STX1B: variants seen among roughly 807,000 people sequenced by gnomAD.
STX1B encodes the protein syntaxin 1B, also known as syntaxin-1B.
A neutral mutation model predicts 39.4 loss-of-function variants in STX1B; 7 were observed. The ratio of observed to expected loss-of-function variants is 0.18; its 90% CI spans 0.10 to 0.33. The LOEUF (loss-of-function observed/expected upper bound fraction) is 0.33. Ranked by LOEUF, STX1B falls within the 10% of genes least tolerant of loss-of-function variation. The pLI is 1.00. For missense variants in STX1B, 198 were observed against 383.2 expected (o/e 0.52, Z 4.04); for synonymous variants, 136 against 144.1 (o/e 0.94, Z 0.40).
intron 4 of STX1B, among the ~76,000 whole-genome samples, chr16:31,000,577 C>T (rs193007008): frequency 2.6e-5 from 4 of 151,944 alleles, no homozygotes; most frequent in African/African-American, 9.7e-5. Flanking sequence ...ACTGTAACCT[C>T]CACCTCCCGG....
At chr16:31,010,261 G>T in intron 1 of STX1B, 106 bp downstream of exon 1, 6 of 914,706 alleles carry the variant, frequency 6.6e-6, no homozygotes, top group Non-Finnish European at 9.1e-6. Context: ...ACCAACCTCC[G>T]ATCTCATCCT....
chr16:30,994,519 G>A (rs772885834), intron 7 of STX1B, among the ~76,000 whole-genome samples: 64 of 151,438 alleles, frequency 4.2e-4, no homozygotes, highest in Non-Finnish European at 5.9e-5. Context: ...GACCCCAGGA[G>A]GTCGAGGCTG....
intron 1 of STX1B, among the ~76,000 whole-genome samples, chr16:31,006,988 G>A (rs1311941438): frequency 6.6e-6 from 1 of 152,190 alleles, no homozygotes; most frequent in Non-Finnish European, 1.5e-5. Context: ...GTGCGCATCT[G>A]TAATCCCAGC....
intron 7 of STX1B, 56 bp downstream of exon 7, chr16:30,996,627 T>G (rs2143668372): frequency 1.3e-6 from 2 of 1,524,544 alleles, no homozygotes; most frequent in Non-Finnish European, 9.1e-7. Flanking sequence ...AACCTGAACT[T>G]AGGGAGGGGA....
chr16:30,992,863 C>A lies in STX1B; in HGVS notation c.825G>T (p.Gly275=), dbSNP rs1174384463. The change falls in exon 10 of 10, where the codon GGG becomes GGT. Residue 275 remains glycine (G), a synonymous_variant. Transcript: ENST00000215095. Reference sequence around the variant, plus strand: ...CCCCAATGGATGACGCCAAGACCACCCCCAGCACCACACAGCAAATGATGA... The same window carrying A: ...CCCCAATGGATGACGCCAAGACCACACCCAGCACCACACAGCAAATGATGA... ...IMIIICCVVL[G]VVLASSIGGT... The A allele has an allele frequency of 1.9e-6, 3 of 1,613,832 alleles. No individual in the cohort carries two copies. Among genetic ancestry groups the A allele is most frequent in the African/African-American group, 1.3e-5 (1 of 74,872 alleles).
chr16:30,997,692 C>T (rs1399719368), intron 4 of STX1B, 117 bp from the exon 5 acceptor site: 11 of 969,344 alleles, frequency 1.1e-5, no homozygotes, highest in Middle Eastern at 2.4e-4. Context: ...GAAACGTCAT[C>T]CCCAGGGCGA....
intron 1 of STX1B, among the ~76,000 whole-genome samples, chr16:31,009,681 C>A (rs1021910310): frequency 1.3e-5 from 2 of 151,810 alleles, no homozygotes; most frequent in African/African-American, 2.4e-5. Context: ...CCTGCATCAG[C>A]CCTTGACTGC....
chr16:31,000,787 CAG>C (rs2143676979), intron 4 of STX1B, 139 bp downstream of exon 4: 2 of 813,922 alleles, frequency 2.5e-6, no homozygotes, highest in South Asian at 1.7e-5. Context: ...TTTGTAGAGA[CAG>C]AGTTTTGCCA....
chr16:31,010,323 A>G, intron 1 of STX1B, 44 bp downstream of exon 1: 1 of 785,022 alleles, frequency 1.3e-6, no homozygotes, highest in Non-Finnish European at 1.8e-6. Flanking sequence ...CGCTCCCCCA[A>G]TATTGGGGTC....
At chr16:30,996,148 A>C (rs1426339940) in intron 7 of STX1B, 1 of 152,148 alleles carries the variant, frequency 6.6e-6, no homozygotes, top group Admixed American at 6.6e-5. Context: ...GTACTCCAGC[A>C]TGGGTGACAA....
chr16:31,009,725 G>C (rs1357225394), intron 1 of STX1B, among the ~76,000 whole-genome samples: 1 of 151,618 alleles, frequency 6.6e-6, no homozygotes, highest in Non-Finnish European at 1.5e-5. Flanking sequence ...GCAGAGCACG[G>C]CCCGTGTTCC....
chr16:31,010,332 T>G (rs771058298), intron 1 of STX1B, 35 bp downstream of exon 1: 1 of 811,430 alleles, frequency 1.2e-6, no homozygotes. Context: ...AATATTGGGG[T>G]CCCGCCCCCC....
intron 4 of STX1B, among the ~76,000 whole-genome samples, chr16:30,998,739 G>A (rs1240665557): frequency 6.6e-6 from 1 of 152,086 alleles, no homozygotes; most frequent in East Asian, 1.9e-4. Context: ...TCTAAACCAC[G>A]GCCACTTTTC....
At chr16:31,005,650 A>G (rs1263263130) in intron 1 of STX1B, among the ~76,000 whole-genome samples, 1 of 151,892 alleles carries the variant, frequency 6.6e-6, no homozygotes, top group Non-Finnish European at 1.5e-5. Flanking sequence ...ATGAGGTCAT[A>G]TTCTTATTCT....
In STX1B at chr16:30,990,651, G is replaced by A. The variant is rs1376368710; in HGVS notation, c.*2170C>T. 6.6e-6 allele frequency: 1 copy of A among 152,262 alleles called. No homozygotes were observed. The allele number at this position is 152,262 out of a possible 1,614,324, so 9.4% of individuals were successfully genotyped here. A position where few individuals can be genotyped will look rare whatever the true frequency, so the allele number is the denominator to read the frequency against. ...GTGCACACATAAGCCCCATGCCAGG[G>A]CATGGCACATTTGTGTACTTGTGTG... On this transcript the variant is annotated 3_prime_UTR_variant, in exon 10 of 10. Coordinates refer to ENST00000215095, the MANE Select transcript of STX1B (RefSeq NM_052874.5).
intron 7 of STX1B, among the ~76,000 whole-genome samples, chr16:30,994,588 GAA>G (rs563043482): frequency 5.5e-5 from 7 of 127,862 alleles, no homozygotes; most frequent in Admixed American, 8.1e-5. Context: ...AGACCATGCT[GAA>G]AAAAAAAAAA....
intron 7 of STX1B, 39 bp from the exon 8 acceptor site, chr16:30,993,523 C>T (rs1430862622): frequency 2.4e-5 from 38 of 1,608,076 alleles, no homozygotes; most frequent in African/African-American, 2.7e-5. Flanking sequence ...CACCCTTCTC[C>T]GCCATGAGCG....
chr16:30,997,395 C>CAA, intron 5 of STX1B, 107 bp downstream of exon 5: 2 of 940,046 alleles, frequency 2.1e-6, no homozygotes, highest in Non-Finnish European at 3.3e-6. Context: ...CCCCAGCCCT[C>CAA]CCTGACCACG....
At chr16:30,995,905 G>A (rs558801934) in intron 7 of STX1B, among the ~76,000 whole-genome samples, 3 of 152,244 alleles carry the variant, frequency 2.0e-5, no homozygotes, top group Non-Finnish European at 4.4e-5. Context: ...GGCTGGATTC[G>A]GTGGTTCACG....
Sources: allele counts gnomAD v4.1 joint callset (sites outside exome capture counted in the v4.1 genomes callset), GRCh38; gene constraint gnomAD v4.1.1; transcripts MANE v1.5; gene names NCBI Gene and HGNC (gene_info 2026-07-23, HGNC 2026-07-21).